Variants in ANKRD52 observed in about 807,000 individuals in gnomAD.
The protein encoded by ANKRD52 is ankyrin repeat domain 52.
In ANKRD52, 7 loss-of-function variants were observed where a neutral mutation model predicts 116.0. That is an observed-to-expected ratio of 0.06 (90% CI 0.03 to 0.11). The LOEUF (loss-of-function observed/expected upper bound fraction) is 0.11, where lower values mean the gene tolerates loss of function less well. Among genes scored for constraint, ANKRD52 ranks in the 10% least tolerant of loss-of-function variants. The pLI is 1.00. For synonymous variants in ANKRD52, 528 were observed against 578.1 expected (o/e 0.91, Z 1.24); for missense variants, 839 against 1,408.6 (o/e 0.60, Z 6.47).
At chr12:56,251,142 C>T (rs909351134) in intron 15 of ANKRD52, among the ~76,000 whole-genome samples, 4 of 151,486 alleles carry the variant, frequency 2.6e-5, no homozygotes, top group Admixed American at 6.6e-5. Context: ...GGTTTCACCA[C>T]GTTGGCCAGG....
Position 56,244,246 on chromosome 12 carries a change from G to C in ANKRD52, c.2805+107C>G. On this transcript the variant is annotated intron_variant, in intron 25 of 27. Transcript: ENST00000267116. The surrounding 1 kb of genome is among the most constrained non-coding windows in gnomAD (Gnocchi z 4.9). ...AAACAGCTGCCCAACCAGTCGGATAGGCTGGACAATCCTCACTTCTGCCCC... is the reference window on the plus strand; with the variant it reads ...AAACAGCTGCCCAACCAGTCGGATACGCTGGACAATCCTCACTTCTGCCCC... The C allele has an allele frequency of 2.0e-6, 3 of 1,527,266 alleles. No homozygotes were observed. The South Asian group carries it at 3.4e-5, about 17-fold the overall frequency. The allele number at this position is 1,527,266 out of a possible 1,614,324, so 94.6% of individuals were successfully genotyped here. A position where few individuals can be genotyped will look rare whatever the true frequency, so the allele number is the denominator to read the frequency against.
rs1347161001 is a variant in ANKRD52 at position 56,247,753 on chromosome 12, G to C, written c.2000C>G (p.Ser667Cys). The C allele has an allele frequency of 6.2e-7, 1 of 1,612,400 alleles. No homozygotes were observed. Among genetic ancestry groups the C allele is most frequent in the African/African-American group, 1.3e-5 (1 of 74,914 alleles). The change falls in exon 19 of 28, where the codon TCC becomes TGC. Residue 667 changes from serine (S) to cysteine (C), a missense_variant. By Grantham distance (112) the Ser-to-Cys change is moderately radical. This residue lies in a region of ANKRD52 where 552 missense variants were observed against 810.6 expected (regional missense o/e 0.68). Coordinates refer to ENST00000267116, the MANE Select transcript of ANKRD52 (RefSeq NM_173595.4). ...HAAAASGHTD[S>C]LHLLIDSGER... is the part of the protein sequence containing the mutation. The stretch of plus-strand genomic sequence containing the variant: ...CCCACTGTCGATCAGCAAGTGCAGG[G>C]AGTCAGTGTGGCCAGAGGCAGCTAG...
At position 56,255,578 on chromosome 12, in the gene ANKRD52, A is replaced by T. The variant is rs1871911897; in HGVS notation, c.462+206T>A. 6.6e-6 allele frequency among the ~76,000 whole-genome samples: 1 copy of T among 152,260 alleles called. No individual in the cohort carries two copies. The highest frequency in any genetic ancestry group is 2.1e-4 in the South Asian group (1 of 4,838). ...CGTGTATGCAAATATTTTCCACGCA[A>T]AATCCAAGGTTTTATCAACCTCCTG... On this transcript the variant is annotated intron_variant, in intron 5 of 27. Coordinates refer to ENST00000267116, the MANE Select transcript of ANKRD52 (RefSeq NM_173595.4). This position sits in a 1 kb window ranked among gnomAD's most constrained non-coding sequence, Gnocchi z 4.3.
At position 56,253,687 on chromosome 12, in the gene ANKRD52, AG is replaced by A; in HGVS notation, c.985+34del. 1 of 1,596,608 alleles carries A rather than the reference AG, an allele frequency of 6.3e-7. No individual in the cohort carries two copies. Among genetic ancestry groups the A allele is most frequent in the Non-Finnish European group, 8.6e-7 (1 of 1,165,498 alleles). On this transcript the variant is annotated intron_variant, in intron 9 of 27. Transcript: ENST00000267116. The surrounding 1 kb of genome is among the most constrained non-coding windows in gnomAD (Gnocchi z 5.5). ...CTAGAAATGAGTTCCTTGGGGGAGG[AG>A]GGGATGAGAGCACAAAGTCTCCCAG...
Position 56,242,018 on chromosome 12 carries a change from G to C in ANKRD52, c.*1124C>G, listed in dbSNP as rs1011184944. 2.5e-6 allele frequency: 1 copy of C among 398,614 alleles called. No individual in the cohort carries two copies. Among genetic ancestry groups the C allele is most frequent in the Non-Finnish European group, 4.4e-6 (1 of 226,094 alleles). 24.7% of individuals were successfully genotyped at this position (398,614 alleles called of 1,614,324 possible). A position where few individuals can be genotyped will look rare whatever the true frequency, so the allele number is the denominator to read the frequency against. ...GGGTCCCGAGTAGCCACGGTCCCTT[G>C]TCGGCCCTGCCCCTCCTACCATCTT... On this transcript the variant is annotated 3_prime_UTR_variant, in exon 28 of 28. Transcript: ENST00000267116. This position sits in a 1 kb window ranked among gnomAD's most constrained non-coding sequence, Gnocchi z 4.3.
In ANKRD52 at chr12:56,244,873, A is replaced by G. The variant is rs755978614; in HGVS notation, c.2576+33T>C. On this transcript the variant is annotated intron_variant, in intron 23 of 27. Coordinates refer to ENST00000267116, the MANE Select transcript of ANKRD52 (RefSeq NM_173595.4). The surrounding 1 kb of genome is among the most constrained non-coding windows in gnomAD (Gnocchi z 4.9). ...AAGCAGAAAGGGGAAGCCAGAGGCA[A>G]CTGGGATTCTTCCCAAGTCTTCCAT... is the stretch of plus-strand genomic sequence containing the variant. 11 of 1,613,822 alleles carry G rather than the reference A, an allele frequency of 6.8e-6. No individual in the cohort carries two copies. Among genetic ancestry groups the G allele is most frequent in the Non-Finnish European group, 7.6e-6 (9 of 1,179,848 alleles).
rs1008169629 is a variant in ANKRD52 at position 56,241,148 on chromosome 12, G to A, written c.*1994C>T. The A allele has an allele frequency of 6.6e-6, 1 of 151,896 alleles. No individual in the cohort carries two copies. Among genetic ancestry groups the A allele is most frequent in the African/African-American group, 2.4e-5 (1 of 41,330 alleles). The allele number at this position is 151,896 out of a possible 1,614,324, so 9.4% of individuals were successfully genotyped here. ...GGAGGACACGGTGTGGAGGGAGGTG[G>A]GCAAGAGGGGCGTCACAAGGCCCTT... On this transcript the variant is annotated 3_prime_UTR_variant, in exon 28 of 28. Transcript: ENST00000267116.
At position 56,254,405 on chromosome 12, in the gene ANKRD52, A is replaced by T; in HGVS notation, c.694-126T>A. 1 of 1,413,134 alleles carries T rather than the reference A, an allele frequency of 7.1e-7. No homozygotes were observed. Among genetic ancestry groups the T allele is most frequent in the Non-Finnish European group, 9.7e-7 (1 of 1,035,276 alleles). 87.5% of individuals were successfully genotyped at this position (1,413,134 alleles called of 1,614,324 possible). On this transcript the variant is annotated intron_variant, in intron 7 of 27. Transcript: ENST00000267116. The surrounding 1 kb of genome is among the most constrained non-coding windows in gnomAD (Gnocchi z 4.6). ...TCCTCTCGGGTTTATGACCCAAGGT[A>T]CTAAGGTACTAAGGGCACTATGGCT...
intron 15 of ANKRD52, among the ~76,000 whole-genome samples, chr12:56,251,672 C>T (rs551321568): frequency 2.7e-5 from 4 of 150,236 alleles, no homozygotes; most frequent in Admixed American, 6.7e-5. Flanking sequence ...GAAGACCAGC[C>T]GGGCGCGGTG....
In ANKRD52 at chr12:56,255,191, CTCT is replaced by C. The variant is rs1243804369; in HGVS notation, c.463-242_463-240del. On this transcript the variant is annotated intron_variant, in intron 5 of 27. Transcript: ENST00000267116. The surrounding 1 kb of genome is among the most constrained non-coding windows in gnomAD (Gnocchi z 4.3). ...TTCAGGTGATCTGGTGGTTCTTAAA[CTCT>C]TTTTTTTTTTTTTTTTGAGACAGTC... 4.6e-5 allele frequency: 18 copies of C among 388,906 alleles called. No individual in the cohort carries two copies. The highest frequency in any genetic ancestry group is 2.4e-4 in the African/African-American group (11 of 45,838). The allele number at this position is 388,906 out of a possible 1,614,324, so 24.1% of individuals were successfully genotyped here.
Position 56,244,965 on chromosome 12 carries a change from TGTG to T in ANKRD52, c.2514_2516del (p.Thr839del), listed in dbSNP as rs1213222358. On this transcript the variant is annotated inframe_deletion, in exon 23 of 28. Coordinates refer to ENST00000267116, the MANE Select transcript of ANKRD52 (RefSeq NM_173595.4). This position sits in a 1 kb window ranked among gnomAD's most constrained non-coding sequence, Gnocchi z 4.9. The stretch of plus-strand genomic sequence containing the variant: ...CACCCAGAGCTCCCAGTAGCATCTC[TGTG>T]GTGCTGTCTTGGTTATTAATCCTAG... The T allele has an allele frequency of 6.2e-7, 1 of 1,613,890 alleles. No homozygotes were observed. Among genetic ancestry groups the T allele is most frequent in the African/African-American group, 1.3e-5 (1 of 74,996 alleles).
In ANKRD52 at chr12:56,248,866, G is replaced by C; in HGVS notation, c.1597C>G (p.Leu533Val). ...GCACCGTTATCCAGTAAGAACTCCA[G>C]ACAGCTGGGGAGCCGGGGGTAGACT... Reference protein sequence around the residue: ...ESRRKEAFFCLEFLLDNGADP... With the variant: ...ESRRKEAFFCVEFLLDNGADP... The change falls in exon 16 of 28, where the codon CTG (leucine) becomes GTG (valine). Residue 533 changes from leucine (L) to valine (V), a missense_variant. Around this residue, in one of 2 missense-constraint regions of ANKRD52, gnomAD observed 552 missense variants for 810.6 expected, o/e 0.68. Coordinates refer to ENST00000267116, the MANE Select transcript of ANKRD52 (RefSeq NM_173595.4). This position sits in a 1 kb window ranked among gnomAD's most constrained non-coding sequence, Gnocchi z 5.1. 1 of 1,594,290 alleles carries C rather than the reference G, an allele frequency of 6.3e-7. No individual in the cohort carries two copies. The highest frequency in any genetic ancestry group is 8.5e-7 in the Non-Finnish European group (1 of 1,169,988).
rs913154112 is a variant in ANKRD52 at position 56,257,906 on chromosome 12, G to A, written c.33C>T (p.Pro11=). The A allele has an allele frequency of 2.5e-6, 4 of 1,613,362 alleles. No homozygotes were observed. Among genetic ancestry groups the A allele is most frequent in the Non-Finnish European group, 3.4e-6 (4 of 1,179,734 alleles). Residue 11 remains proline, a synonymous_variant, in exon 2 of 28, where the codon CCC becomes CCT. Transcript: ENST00000267116. MGILSITDQP[P]LVQAIFSRDV... ...CTCGGCTAAAGATGGCCTGGACCAGGGGCGGCTGCAGAGAGAACCGGCATT... is the reference window on the plus strand; with the variant it reads ...CTCGGCTAAAGATGGCCTGGACCAGAGGCGGCTGCAGAGAGAACCGGCATT...
rs1349480508 is a variant in ANKRD52 at position 56,252,546 on chromosome 12, C to A, written c.1326G>T (p.Leu442=). 1 of 1,613,948 alleles carries A rather than the reference C, an allele frequency of 6.2e-7. No individual in the cohort carries two copies. Among genetic ancestry groups the A allele is most frequent in the Non-Finnish European group, 8.5e-7 (1 of 1,179,876 alleles). Residue 442 remains leucine (L), a synonymous_variant, in exon 13 of 28, where the codon CTG becomes CTT. Coordinates refer to ENST00000267116, the MANE Select transcript of ANKRD52 (RefSeq NM_173595.4). This position sits in a 1 kb window ranked among gnomAD's most constrained non-coding sequence, Gnocchi z 4.7. The part of the protein sequence containing the change: ...SGGNVECLNL[L]LSSGADLRRR... ...TCCTCAAGTCAGCTCCACTGCTCAA[C>A]AGCAAATTAAGACATTCAACATTCC... is the stretch of plus-strand genomic sequence containing the variant.
chr12:56,240,017 C>T lies in ANKRD52; in HGVS notation c.*3125G>A, dbSNP rs1871093326. 1 of 152,164 alleles carries T rather than the reference C, an allele frequency of 6.6e-6. No homozygotes were observed. 9.4% of individuals were successfully genotyped at this position (152,164 alleles called of 1,614,324 possible). A position where few individuals can be genotyped will look rare whatever the true frequency, so the allele number is the denominator to read the frequency against. ...TCCCTCAGTCTTTTCTCTCCCACGC[C>T]CCACAGCACCAAACAAAAGGAGAAG... On this transcript the variant is annotated 3_prime_UTR_variant, in exon 28 of 28. Transcript: ENST00000267116. The surrounding 1 kb of genome is among the most constrained non-coding windows in gnomAD (Gnocchi z 4.2).
In ANKRD52 at chr12:56,248,744, G is replaced by A; in HGVS notation, c.1704+15C>T. ...CCCCTGCCTCCCCTCCTGCAGGCCG[G>A]GCCCCAACACATACCAGTTCGAGGT... On this transcript the variant is annotated intron_variant, in intron 16 of 27. Transcript: ENST00000267116. This position sits in a 1 kb window ranked among gnomAD's most constrained non-coding sequence, Gnocchi z 5.1. 14 of 1,595,842 alleles carry A rather than the reference G, an allele frequency of 8.8e-6. No individual in the cohort carries two copies. Among genetic ancestry groups the A allele is most frequent in the Non-Finnish European group, 1.2e-5 (14 of 1,168,750 alleles).
At position 56,257,317 on chromosome 12, in the gene ANKRD52, G is replaced by C; in HGVS notation, c.156C>G (p.Gly52=). ...GTAGCAACTGGAGGATGGGGACATC[G>C]CCTACGTAGGCAGCAGCATGCAATG... ...RTPLHAAAYV[G]DVPILQLLLM... is the part of the protein sequence containing the mutation. Residue 52 remains glycine, a synonymous_variant, in exon 3 of 28, where the codon GGC becomes GGG. Transcript: ENST00000267116. 6.3e-7 allele frequency: 1 copy of C among 1,596,938 alleles called. No homozygotes were observed. Among genetic ancestry groups the C allele is most frequent in the Non-Finnish European group, 8.5e-7 (1 of 1,171,820 alleles).
Position 56,253,430 on chromosome 12 carries a change from C to T in ANKRD52, c.986-28G>A. 1 of 1,573,786 alleles carries T rather than the reference C, an allele frequency of 6.4e-7. No homozygotes were observed. The highest frequency in any genetic ancestry group is 1.1e-5 in the South Asian group (1 of 89,962). ...GTGAGGGGATGCACACACACAAGCT[C>T]AGGCAGACCTCAGGCTTAAGACCAC... On this transcript the variant is annotated intron_variant, in intron 9 of 27. Coordinates refer to ENST00000267116, the MANE Select transcript of ANKRD52 (RefSeq NM_173595.4). The surrounding 1 kb of genome is among the most constrained non-coding windows in gnomAD (Gnocchi z 5.5).
chr12:56,252,004 C>G lies in ANKRD52; in HGVS notation c.1592+11G>C. The G allele has an allele frequency of 1.2e-6, 2 of 1,612,492 alleles. No individual in the cohort carries two copies. Among genetic ancestry groups the G allele is most frequent in the Non-Finnish European group, 1.7e-6 (2 of 1,179,558 alleles). ...GGAAAGCACATCCCAGGGGCCCTCT[C>G]TGCTACTCACAAGAAGGCCTCCTTC... On this transcript the variant is annotated intron_variant, in intron 15 of 27. Transcript: ENST00000267116. This position sits in a 1 kb window ranked among gnomAD's most constrained non-coding sequence, Gnocchi z 4.7.
Sources: gnomAD v4.1 joint callset for allele counts (sites outside exome capture counted in the v4.1 genomes callset) on GRCh38, gnomAD v4.1.1 for gene constraint, gnomAD v4.1.1 regional missense constraint, Gnocchi (gnomAD v3.1) non-coding constraint, MANE v1.5 for transcripts, NCBI Gene and HGNC (gene_info 2026-07-23, HGNC 2026-07-21) for gene names.